TMTC2: variants seen among roughly 807,000 people sequenced by gnomAD.
TMTC2 encodes the protein transmembrane O-mannosyltransferase targeting cadherins 2.
TMTC2 carries 43 observed loss-of-function variants against 82.4 expected under a neutral mutation model. The observed-to-expected ratio is 0.52, with a 90% confidence interval of 0.41 to 0.67. TMTC2 has a LOEUF of 0.67. Ranked by LOEUF, TMTC2 falls within the 30% of genes least tolerant of loss-of-function variation. TMTC2 has a pLI of 0.00. For synonymous variants in TMTC2, 408 were observed against 381.9 expected (o/e 1.07, Z -0.80); for missense variants, 919 against 1,012.4 (o/e 0.91, Z 1.25).
chr12:82,924,699 G>A (rs1875599122), intron 3 of TMTC2, among the ~76,000 whole-genome samples: 1 of 152,136 alleles, frequency 6.6e-6, no homozygotes, highest in African/African-American at 2.4e-5. Flanking sequence ...CTGCTCATCT[G>A]TCCTGTTGGA....
chr12:83,000,992 T>A (rs966252776), intron 8 of TMTC2, among the ~76,000 whole-genome samples: 10 of 152,038 alleles, frequency 6.6e-5, no homozygotes, highest in African/African-American at 2.2e-4. Context: ...GGATAGGACA[T>A]AGGACACCAA....
intron 3 of TMTC2, among the ~76,000 whole-genome samples, chr12:82,924,519 A>T (rs1362336479): frequency 6.6e-6 from 1 of 152,218 alleles, no homozygotes; most frequent in Non-Finnish European, 1.5e-5. Flanking sequence ...ACAGGAAAAC[A>T]AGATTTTTGC....
chr12:82,968,734 C>T (rs1404230775), intron 7 of TMTC2, among the ~76,000 whole-genome samples: 3 of 152,076 alleles, frequency 2.0e-5, no homozygotes, highest in Non-Finnish European at 4.4e-5. Flanking sequence ...CAGCCAGTAC[C>T]TTGGGATCTG....
chr12:82,939,183 G>A (rs557435401), intron 4 of TMTC2, among the ~76,000 whole-genome samples: 3 of 151,988 alleles, frequency 2.0e-5, no homozygotes, highest in African/African-American at 7.2e-5. Flanking sequence ...AATTTTCCTG[G>A]GGATTTACTG....
chr12:82,729,043 G>A (rs936024899), intron 1 of TMTC2, among the ~76,000 whole-genome samples: 4 of 152,202 alleles, frequency 2.6e-5, no homozygotes, highest in African/African-American at 4.8e-5. Flanking sequence ...GAGCCTCCCC[G>A]ACGAGCGCTG....
chr12:82,707,969 G>A (rs560340173), intron 1 of TMTC2, among the ~76,000 whole-genome samples: 64 of 152,274 alleles, frequency 4.2e-4, no homozygotes, highest in Admixed American at 1.1e-3. Flanking sequence ...ATATAGATAT[G>A]CGTGCACAAG....
rs550570196 is a variant in TMTC2 at position 82,738,543 on chromosome 12, G to T, written c.83+50874G>T. 1.1e-4 allele frequency among the ~76,000 whole-genome samples: 16 copies of T among 152,152 alleles called. No individual in the cohort carries two copies. In the South Asian group the frequency reaches 2.7e-3, roughly 26 times the overall value. ...TAAGGTTGGCTCACGTGTTCATTTTGGTTTTATAGTAGTATTCAGGTGTTA... is the reference window on the plus strand; with the variant it reads ...TAAGGTTGGCTCACGTGTTCATTTTTGTTTTATAGTAGTATTCAGGTGTTA... On this transcript the variant is annotated intron_variant, in intron 1 of 11. Transcript: ENST00000321196.
chr12:83,082,903 T>G (rs146044758), intron 11 of TMTC2, among the ~76,000 whole-genome samples: 1 of 152,228 alleles, frequency 6.6e-6, no homozygotes, highest in Non-Finnish European at 1.5e-5. Flanking sequence ...TGGAATTATG[T>G]CATATTCACA....
intron 8 of TMTC2, among the ~76,000 whole-genome samples, chr12:83,010,534 C>A (rs1796195): frequency 0.78 from 118,781 of 151,788 alleles, 47,522 homozygotes; most frequent in South Asian, 0.93. Context: ...CTGATTTTAG[C>A]TGGTCAGGGA....
At chr12:83,120,977 A>G (rs1364579774) in intron 11 of TMTC2, among the ~76,000 whole-genome samples, 1 of 152,162 alleles carries the variant, frequency 6.6e-6, no homozygotes, top group Non-Finnish European at 1.5e-5. Context: ...TTGCATTTCT[A>G]TAAGTATGTC....
chr12:82,705,043 C>G (rs2136904326), intron 1 of TMTC2, among the ~76,000 whole-genome samples: 1 of 152,266 alleles, frequency 6.6e-6, no homozygotes, highest in East Asian at 1.9e-4. Flanking sequence ...TCGCAGTGAC[C>G]TGGATGAGAT....
At chr12:83,034,466 G>A (rs895084868) in intron 9 of TMTC2, among the ~76,000 whole-genome samples, 8 of 152,196 alleles carry the variant, frequency 5.3e-5, no homozygotes, top group African/African-American at 1.9e-4. Flanking sequence ...TAGGGACTTG[G>A]AGACTGAGAT....
intron 1 of TMTC2, among the ~76,000 whole-genome samples, chr12:82,721,937 T>C (rs1251132575): frequency 1.3e-5 from 2 of 152,208 alleles, no homozygotes; most frequent in African/African-American, 4.8e-5. Context: ...GACAGTGACC[T>C]ACCTGAGTCT....
intron 10 of TMTC2, among the ~76,000 whole-genome samples, chr12:83,055,710 G>A (rs918515713): frequency 7.1e-6 from 1 of 139,908 alleles, no homozygotes; most frequent in Non-Finnish European, 1.5e-5. Context: ...GAAGGGGTGT[G>A]TGTGTGTGTG....
In TMTC2 at chr12:82,919,845, G is replaced by A. The variant is rs184812033; in HGVS notation, c.1484-10586G>A. On this transcript the variant is annotated intron_variant, in intron 3 of 11. Coordinates refer to ENST00000321196, the MANE Select transcript of TMTC2 (RefSeq NM_152588.3). ...CTCTCAAGACACTGAGAACTGCCAC[G>A]CCCATGGCTTTGCTGGGCTCAGCCC... Among the ~76,000 whole-genome samples the A allele has an allele frequency of 3.7e-3, 558 of 152,280 alleles. 4 individuals carry two copies. Among genetic ancestry groups the A allele is most frequent in the African/African-American group, 0.013 (530 of 41,560 alleles).
At chr12:82,909,122 T>C (rs1387936090) in intron 3 of TMTC2, among the ~76,000 whole-genome samples, 1 of 152,172 alleles carries the variant, frequency 6.6e-6, no homozygotes, top group African/African-American at 2.4e-5. Flanking sequence ...ATCTTTTCAT[T>C]CTCTAAGTTT....
At chr12:82,865,273 G>A (rs981855647) in intron 2 of TMTC2, among the ~76,000 whole-genome samples, 2 of 151,982 alleles carry the variant, frequency 1.3e-5, no homozygotes, top group Non-Finnish European at 2.9e-5. Context: ...CCCATGTCAC[G>A]TGCAGAGACA....
intron 1 of TMTC2, among the ~76,000 whole-genome samples, chr12:82,775,456 G>T (rs1414100571): frequency 6.6e-6 from 1 of 151,756 alleles, no homozygotes; most frequent in East Asian, 1.9e-4. Flanking sequence ...TCTCCAGGGG[G>T]GCGGGCGGGG....
chr12:82,958,799 C>A lies in TMTC2; in HGVS notation c.1599-6225C>A, dbSNP rs150851541. ...GAAAAGATGCCGACTCTCACCACTC[C>A]TATTCAACATAGTACTGGAACTCCT... is the stretch of plus-strand genomic sequence containing the variant. On this transcript the variant is annotated intron_variant, in intron 4 of 11. Transcript: ENST00000321196. 6.5e-3 allele frequency among the ~76,000 whole-genome samples: 995 copies of A among 152,138 alleles called. 9 individuals carry two copies. Among genetic ancestry groups the A allele is most frequent in the African/African-American group, 0.023 (946 of 41,498 alleles).
Sources: gnomAD v4.1 joint callset for allele counts (sites outside exome capture counted in the v4.1 genomes callset) on GRCh38, gnomAD v4.1.1 for gene constraint, MANE v1.5 for transcripts, NCBI Gene and HGNC (gene_info 2026-07-23, HGNC 2026-07-21) for gene names.